STK32B: variants seen among roughly 807,000 people sequenced by gnomAD.
The protein encoded by STK32B is serine/threonine kinase 32B.
Under a neutral mutation model 52.6 loss-of-function variants are expected in STK32B, and 43 were observed. That is an observed-to-expected ratio of 0.82 (90% CI 0.64 to 1.05). The LOEUF is 1.05. Among genes scored for constraint, STK32B ranks in the 50% least tolerant of loss-of-function variants. The pLI, the probability that STK32B is intolerant of heterozygous loss-of-function variation, is 0.00. For missense variants in STK32B, 621 were observed against 534.6 expected (o/e 1.16, Z -1.59); for synonymous variants, 238 against 204.3 (o/e 1.17, Z -1.41).
intron 2 of STK32B, among the ~76,000 whole-genome samples, chr4:5,144,083 T>C (rs1275835308): frequency 1.3e-5 from 2 of 152,090 alleles, no homozygotes; most frequent in African/African-American, 2.4e-5. Flanking sequence ...ACATAACACA[T>C]TGGGCGGACA....
chr4:5,022,465 C>A, the STK32B span, among the ~76,000 whole-genome samples: 1 of 152,228 alleles, frequency 6.6e-6, no homozygotes, highest in African/African-American at 2.4e-5. Context: ...CAAATGTCTC[C>A]TTCACCACGA....
At chr4:5,445,356 T>G (rs9291091) in intron 6 of STK32B, among the ~76,000 whole-genome samples, 23,207 of 152,118 alleles carry the variant, frequency 0.15, 2,317 homozygotes, top group East Asian at 0.53. Context: ...ATCACAACAG[T>G]ATGTGGCTCC....
chr4:5,340,101 G>A (rs968679377), intron 4 of STK32B, among the ~76,000 whole-genome samples: 4 of 152,222 alleles, frequency 2.6e-5, no homozygotes, highest in Non-Finnish European at 4.4e-5. Flanking sequence ...ACTTTTCATA[G>A]CATTTGAATT....
intron 3 of STK32B, among the ~76,000 whole-genome samples, chr4:5,254,335 A>G (rs1335908089): frequency 6.6e-6 from 1 of 151,396 alleles, no homozygotes; most frequent in Non-Finnish European, 1.5e-5. Context: ...GTTTTCAAGA[A>G]TTTGCTTTTG....
chr4:5,497,233 A>C (rs994980039), intron 11 of STK32B, among the ~76,000 whole-genome samples: 1 of 152,216 alleles, frequency 6.6e-6, no homozygotes, highest in Admixed American at 6.5e-5. Context: ...TTGAACTTTG[A>C]GAGCCCCATT....
intron 4 of STK32B, among the ~76,000 whole-genome samples, chr4:5,384,337 G>A (rs1427519650): frequency 6.6e-6 from 1 of 152,188 alleles, no homozygotes; most frequent in Non-Finnish European, 1.5e-5. Flanking sequence ...AAGCAGCAGG[G>A]TTTGCTATTC....
chr4:5,175,398 G>A (rs1719777576), intron 3 of STK32B, among the ~76,000 whole-genome samples: 1 of 152,144 alleles, frequency 6.6e-6, no homozygotes, highest in African/African-American at 2.4e-5. Context: ...AGAGTTTCCA[G>A]TTTTTCTGCT....
At chr4:5,429,780 G>T (rs1219453440) in intron 6 of STK32B, among the ~76,000 whole-genome samples, 1 of 151,380 alleles carries the variant, frequency 6.6e-6, no homozygotes, top group East Asian at 1.9e-4. Flanking sequence ...TTCTTTTTTT[G>T]GTTTGCTTAT....
At chr4:5,415,250 T>C (rs1374704916) in intron 5 of STK32B, among the ~76,000 whole-genome samples, 1 of 152,240 alleles carries the variant, frequency 6.6e-6, no homozygotes, top group Non-Finnish European at 1.5e-5. Flanking sequence ...GTTTCATGTG[T>C]ATAAACTCCC....
At chr4:5,073,863 G>C (rs1049773324) in intron 1 of STK32B, among the ~76,000 whole-genome samples, 2 of 151,710 alleles carry the variant, frequency 1.3e-5, no homozygotes, top group Non-Finnish European at 2.9e-5. Context: ...TTGTTCTTCT[G>C]TAGGTAGTGT....
chr4:5,246,210 C>T (rs984602910), intron 3 of STK32B, among the ~76,000 whole-genome samples: 1 of 152,288 alleles, frequency 6.6e-6, no homozygotes, highest in East Asian at 1.9e-4. Context: ...TCAGGTACAC[C>T]AATGAGACGT....
chr4:5,034,276 T>C, the STK32B span, among the ~76,000 whole-genome samples: 1 of 152,196 alleles, frequency 6.6e-6, no homozygotes, highest in African/African-American at 2.4e-5. Flanking sequence ...AGAAAATGTA[T>C]GGAAACTAAT....
intron 3 of STK32B, among the ~76,000 whole-genome samples, chr4:5,271,571 T>C (rs970737652): frequency 6.7e-6 from 1 of 148,798 alleles, no homozygotes; most frequent in African/African-American, 2.6e-5. Flanking sequence ...GGGGATGGCA[T>C]TGAATCTGTA....
At chr4:5,060,816 C>T (rs1349511535) in intron 1 of STK32B, among the ~76,000 whole-genome samples, 1 of 152,134 alleles carries the variant, frequency 6.6e-6, no homozygotes, top group East Asian at 1.9e-4. Context: ...TTTTCTTCAG[C>T]ATTTTGAAGA....
intron 3 of STK32B, among the ~76,000 whole-genome samples, chr4:5,256,651 A>G (rs1726321059): frequency 6.6e-6 from 1 of 152,228 alleles, no homozygotes; most frequent in South Asian, 2.1e-4. Context: ...TGAGTCAGAC[A>G]TCCTGTCCCC....
chr4:5,277,363 C>G (rs1727895096), intron 3 of STK32B, among the ~76,000 whole-genome samples: 1 of 145,580 alleles, frequency 6.9e-6, no homozygotes. Flanking sequence ...AGAAAGCTGT[C>G]TGGAGTATTT....
chr4:5,134,186 G>C (rs1405177146), intron 1 of STK32B, among the ~76,000 whole-genome samples: 1 of 152,050 alleles, frequency 6.6e-6, no homozygotes, highest in Non-Finnish European at 1.5e-5. Flanking sequence ...AGATTTTTTT[G>C]GCAAATCTTC....
At chr4:5,259,293 A>C (rs1043926996) in intron 3 of STK32B, among the ~76,000 whole-genome samples, 1 of 152,218 alleles carries the variant, frequency 6.6e-6, no homozygotes, top group Non-Finnish European at 1.5e-5. Flanking sequence ...TTTCTTCTCC[A>C]AAATGTTCTT....
At chr4:5,332,632 G>T (rs1404875020) in intron 4 of STK32B, among the ~76,000 whole-genome samples, 1 of 152,062 alleles carries the variant, frequency 6.6e-6, no homozygotes, top group African/African-American at 2.4e-5. Context: ...ATCTCCTAAT[G>T]CTATCCCTCC....
Sources: allele counts gnomAD v4.1 joint callset (sites outside exome capture counted in the v4.1 genomes callset), GRCh38; gene constraint gnomAD v4.1.1; transcripts MANE v1.5; gene names NCBI Gene and HGNC (gene_info 2026-07-23, HGNC 2026-07-21).